KANK1: variants seen among roughly 807,000 people sequenced by gnomAD.
The protein encoded by KANK1 is KN motif and ankyrin repeat domains 1.
A neutral mutation model predicts 106.2 loss-of-function variants in KANK1; 109 were observed. The observed-to-expected ratio is 1.03, with a 90% CI of 0.88 to 1.20. KANK1 has a LOEUF of 1.20. KANK1 is among the 50% of genes most tolerant of loss of function. The pLI, the probability that KANK1 is intolerant of heterozygous loss-of-function variation, is 0.00. For synonymous variants in KANK1, 873 were observed against 652.2 expected (o/e 1.34, Z -5.16); for missense variants, 2,399 against 1,710.7 (o/e 1.40, Z -7.10).
At chr9:662,257 T>A (rs945376550) in intron 1 of KANK1, among the ~76,000 whole-genome samples, 2 of 152,162 alleles carry the variant, frequency 1.3e-5, no homozygotes, top group Non-Finnish European at 2.9e-5. Flanking sequence ...CTGCCCAAGG[T>A]AATTTATAGG....
At chr9:644,440 G>C (rs557055316) in intron 1 of KANK1, among the ~76,000 whole-genome samples, 1 of 150,926 alleles carries the variant, frequency 6.6e-6, no homozygotes, top group Non-Finnish European at 1.5e-5. Context: ...TCAGGGTTCC[G>C]CAGGCCAGGA....
chr9:672,859 G>C (rs1002546911), intron 1 of KANK1, among the ~76,000 whole-genome samples: 2 of 152,150 alleles, frequency 1.3e-5, no homozygotes, highest in African/African-American at 4.8e-5. Context: ...TATTTTCTCT[G>C]TTGATGTATT....
intron 2 of KANK1, among the ~76,000 whole-genome samples, chr9:699,639 C>T (rs994198521): frequency 2.0e-5 from 3 of 152,182 alleles, no homozygotes; most frequent in Non-Finnish European, 4.4e-5. Context: ...TATAAACAAA[C>T]CAAGCCTGTA....
intron 10 of KANK1, 97 bp from the exon 11 acceptor site, chr9:744,394 C>CT: frequency 1.4e-6 from 2 of 1,397,830 alleles, no homozygotes; most frequent in Non-Finnish European, 1.9e-6. Context: ...TTTGGGGAAC[C>CT]TTGCCAATTA....
chr9:555,205 G>A (rs2061508145), intron 1 of KANK1, among the ~76,000 whole-genome samples: 1 of 152,194 alleles, frequency 6.6e-6, no homozygotes, highest in Non-Finnish European at 1.5e-5. Flanking sequence ...CCATTTCCTA[G>A]TCTTATACCA....
At chr9:478,772 G>T (rs886116331) in intron 3 of KANK1, among the ~76,000 whole-genome samples, 29 of 152,240 alleles carry the variant, frequency 1.9e-4, no homozygotes, top group African/African-American at 6.8e-4. Flanking sequence ...GAATGTGGAT[G>T]TGGAGCCAAT....
At chr9:593,446 T>A (rs1208299453) in intron 1 of KANK1, among the ~76,000 whole-genome samples, 1 of 114,708 alleles carries the variant, frequency 8.7e-6, no homozygotes, top group Non-Finnish European at 2.1e-5. Context: ...TAGATCTTTA[T>A]ACATTCCCCC....
At chr9:685,649 A>G (rs1818398778) in intron 2 of KANK1, 1 of 152,232 alleles carries the variant, frequency 6.6e-6, no homozygotes, top group Non-Finnish European at 1.5e-5. Context: ...GTAACCATTT[A>G]TGGGAACAGT....
chr9:537,263 T>C, intron 1 of KANK1, among the ~76,000 whole-genome samples: 1 of 152,162 alleles, frequency 6.6e-6, no homozygotes, highest in East Asian at 1.9e-4. Context: ...ATTTGGTATG[T>C]TACTGAGCAG....
rs541004186 is a variant in KANK1 at position 665,947 on chromosome 9, A to C, written c.-83-10943A>C. Among the ~76,000 whole-genome samples the C allele has an allele frequency of 5.3e-5, 8 of 152,266 alleles. No individual in the cohort carries two copies. In the South Asian group the frequency reaches 1.7e-3, roughly 32 times the overall value. On this transcript the variant is annotated intron_variant, in intron 1 of 11. Transcript: ENST00000382297. ...GCAATCCCAACACTTCGAGAGGCCA[A>C]AGCGGGAGAATTGCTTGAGCCCAGG...
chr9:589,660 G>T (rs1824352420), intron 1 of KANK1, among the ~76,000 whole-genome samples: 1 of 152,074 alleles, frequency 6.6e-6, no homozygotes, highest in Admixed American at 6.6e-5. Flanking sequence ...AAGGAGGGAG[G>T]AGATGGAGCA....
At chr9:526,359 A>G (rs1016031190) in intron 1 of KANK1, among the ~76,000 whole-genome samples, 3 of 151,694 alleles carry the variant, frequency 2.0e-5, no homozygotes, top group Non-Finnish European at 2.9e-5. Context: ...TTATGGGAGC[A>G]GCACACATAA....
chr9:665,125 C>T (rs1844271608), intron 1 of KANK1, among the ~76,000 whole-genome samples: 1 of 152,092 alleles, frequency 6.6e-6, no homozygotes, highest in African/African-American at 2.4e-5. Flanking sequence ...TGTTTCTTCA[C>T]CTTGTTTGAG....
At chr9:639,338 A>T (rs1021673565) in intron 1 of KANK1, among the ~76,000 whole-genome samples, 1 of 151,666 alleles carries the variant, frequency 6.6e-6, no homozygotes, top group African/African-American at 2.4e-5. Context: ...TATTATTATT[A>T]TTTTTGAGAC....
At chr9:507,335 AC>A (rs909151558) in intron 1 of KANK1, among the ~76,000 whole-genome samples, 2 of 151,944 alleles carry the variant, frequency 1.3e-5, no homozygotes, top group African/African-American at 4.8e-5. Flanking sequence ...AGCCTAGATG[AC>A]CGAGCAATAT....
intron 2 of KANK1, among the ~76,000 whole-genome samples, chr9:687,453 T>A (rs1271858604): frequency 6.6e-6 from 1 of 152,216 alleles, no homozygotes; most frequent in Non-Finnish European, 1.5e-5. Flanking sequence ...AATCATGGTC[T>A]ATTTCCGTTT....
intron 1 of KANK1, among the ~76,000 whole-genome samples, chr9:659,575 G>T (rs985521092): frequency 6.6e-6 from 1 of 152,128 alleles, no homozygotes; most frequent in Non-Finnish European, 1.5e-5. Flanking sequence ...AAAGAAAAAA[G>T]GCTTAATCGA....
intron 1 of KANK1, among the ~76,000 whole-genome samples, chr9:645,141 A>AAAAG (rs1839376318): frequency 6.8e-6 from 1 of 147,282 alleles, no homozygotes. Flanking sequence ...AAAAAAAAAA[A>AAAAG]AAAAAGAATT....
intron 1 of KANK1, among the ~76,000 whole-genome samples, chr9:666,910 T>C (rs1162895973): frequency 2.7e-5 from 4 of 147,768 alleles, no homozygotes; most frequent in Non-Finnish European, 6.0e-5. Flanking sequence ...TCTTTTTTTT[T>C]TTTTTTTTTT....
Sources: allele counts gnomAD v4.1 joint callset (sites outside exome capture counted in the v4.1 genomes callset), GRCh38; gene constraint gnomAD v4.1.1; transcripts MANE v1.5; gene names NCBI Gene and HGNC (gene_info 2026-07-23, HGNC 2026-07-21).